SRGAP2: variants seen among roughly 807,000 people sequenced by gnomAD.
SRGAP2 encodes SLIT-ROBO Rho GTPase-activating protein 2.
SRGAP2 carries 15 observed loss-of-function variants against 57.2 expected under a neutral mutation model. The observed-to-expected ratio is 0.26, with a 90% CI of 0.18 to 0.40. SRGAP2 has a LOEUF of 0.40. Ranked by LOEUF, SRGAP2 falls within the 10% of genes least tolerant of loss-of-function variation. The probability of loss-of-function intolerance (pLI) is 1.00; values close to 1 mark genes in which losing one functional copy is unlikely to be tolerated. For synonymous variants in SRGAP2, 249 were observed against 248.0 expected, an observed-to-expected ratio of 1.00 and a Z score of -0.04; for missense variants, 520 against 669.6, an observed-to-expected ratio of 0.78 and a Z score of 2.47.
intron 2 of SRGAP2, among the ~76,000 whole-genome samples, chr1:206,220,460 G>A (rs1335307279): frequency 6.6e-6 from 1 of 152,140 alleles, no homozygotes; most frequent in African/African-American, 2.4e-5. Flanking sequence ...TGCCTAGGCC[G>A]AGAGTGTCAG....
intron 13 of SRGAP2, among the ~76,000 whole-genome samples, chr1:206,428,071 C>T (rs958210805): frequency 6.7e-6 from 1 of 148,612 alleles, no homozygotes; most frequent in Admixed American, 6.7e-5. Flanking sequence ...CACTGCACTC[C>T]AGCCTAGGCT....
chr1:206,414,070 C>T lies in SRGAP2; in HGVS notation c.1357-1819C>T, dbSNP rs571281977. Among the ~76,000 whole-genome samples the T allele has an allele frequency of 1.3e-4, 18 of 139,984 alleles. 1 individual carries two copies. The East Asian group carries it at 2.9e-3, about 22-fold the overall frequency. 91.8% of individuals were successfully genotyped at this position (139,984 alleles called of 152,430 possible). On this transcript the variant is annotated intron_variant, in intron 10 of 22. Coordinates refer to ENST00000573034, the MANE Select transcript of SRGAP2 (RefSeq NM_015326.5). ...TTTTTGAGACAGAGTCTTGCTCTGT[C>T]GCTCAGGCTGGAGTGCAGTGGTGCA...
Position 206,357,175 on chromosome 1 carries a change from A to G in SRGAP2, c.423+14167A>G, listed in dbSNP as rs189040021. ...TTCAGTTTTCCTTTAAGTTGGAAGC[A>G]AACAAACAAAAAACCCTTCAGCTTA... On this transcript the variant is annotated intron_variant, in intron 4 of 22. Transcript: ENST00000573034. 1.7e-4 allele frequency among the ~76,000 whole-genome samples: 25 copies of G among 147,350 alleles called. No individual in the cohort carries two copies. The East Asian group carries it at 4.2e-3, about 25-fold the overall frequency.
chr1:206,295,431 G>A lies in SRGAP2; in HGVS notation c.68-7850G>A, dbSNP rs1315035552. ...GTAGTGATGGGGTTTTACCATGTTG[G>A]CCAGGCTAGTCTCAAACTCCTGACC... On this transcript the variant is annotated intron_variant, in intron 2 of 22. Coordinates refer to ENST00000573034, the MANE Select transcript of SRGAP2 (RefSeq NM_015326.5). Among the ~76,000 whole-genome samples the A allele has an allele frequency of 2.8e-3, 429 of 151,654 alleles. 3 individuals are homozygous for A. The highest frequency in any genetic ancestry group is 9.4e-3 in the African/African-American group (388 of 41,288).
intron 3 of SRGAP2, among the ~76,000 whole-genome samples, chr1:206,334,421 A>C (rs1469695446): frequency 1.3e-5 from 2 of 152,018 alleles, no homozygotes; most frequent in African/African-American, 4.8e-5. Context: ...CATTCCATTT[A>C]GATCTATAGT....
chr1:206,383,625 A>T (rs1318475056), intron 4 of SRGAP2, among the ~76,000 whole-genome samples: 1 of 151,028 alleles, frequency 6.6e-6, no homozygotes, highest in Non-Finnish European at 1.5e-5. Flanking sequence ...TCATCCCATT[A>T]CACATCTTAC....
At chr1:206,337,066 G>T (rs1240635898) in intron 3 of SRGAP2, among the ~76,000 whole-genome samples, 5 of 143,384 alleles carry the variant, frequency 3.5e-5, no homozygotes, top group Admixed American at 3.4e-4. Context: ...TCTCTATGCA[G>T]ATTGGCGGGT....
chr1:206,283,029 C>A (rs1344243594), intron 2 of SRGAP2, among the ~76,000 whole-genome samples: 1 of 146,498 alleles, frequency 6.8e-6, no homozygotes, highest in South Asian at 2.2e-4. Context: ...TGAATTTCTT[C>A]GATTATTTCG....
At chr1:206,333,608 C>T (rs1674548420) in intron 3 of SRGAP2, among the ~76,000 whole-genome samples, 2 of 152,114 alleles carry the variant, frequency 1.3e-5, no homozygotes, top group South Asian at 4.2e-4. Flanking sequence ...TGCACTGTGG[C>T]CTCAAGCTCC....
rs1220728102 is a variant in SRGAP2 at position 206,212,889 on chromosome 1, G to GA, written c.67+6861dup. Among the ~76,000 whole-genome samples the GA allele has an allele frequency of 5.3e-4, 67 of 126,822 alleles. 1 individual carries two copies. In the South Asian group the frequency reaches 5.3e-3, roughly 10 times the overall value. 83.2% of individuals were successfully genotyped at this position (126,822 alleles called of 152,430 possible). On this transcript the variant is annotated intron_variant, in intron 2 of 22. Transcript: ENST00000573034. ...ACATAGTGGGACCCCATCTTTGCAA[G>GA]AAAAAAAAACAAAAAACAAAAAACT...
chr1:206,303,986 T>A lies in SRGAP2; in HGVS notation c.260+513T>A, dbSNP rs1326154019. Among the ~76,000 whole-genome samples the A allele has an allele frequency of 1.6e-3, 246 of 152,040 alleles. 4 individuals are homozygous for A. Among genetic ancestry groups the A allele is most frequent in the Admixed American group, 0.013 (194 of 15,248 alleles). On this transcript the variant is annotated intron_variant, in intron 3 of 22. Coordinates refer to ENST00000573034, the MANE Select transcript of SRGAP2 (RefSeq NM_015326.5). ...AAACCCAGGCAGTCTGGCTGCAGGGTCTATATTTTTAACCATTTCACCAAA... is the reference window on the plus strand; with the variant it reads ...AAACCCAGGCAGTCTGGCTGCAGGGACTATATTTTTAACCATTTCACCAAA...
chr1:206,381,031 G>A (rs1264306589), intron 4 of SRGAP2, among the ~76,000 whole-genome samples: 7 of 152,138 alleles, frequency 4.6e-5, no homozygotes, highest in Non-Finnish European at 8.8e-5. Context: ...AAGTGGGCTC[G>A]CTACACATGT....
intron 2 of SRGAP2, among the ~76,000 whole-genome samples, chr1:206,276,952 G>A (rs1489038553): frequency 6.6e-6 from 1 of 150,844 alleles, no homozygotes; most frequent in Non-Finnish European, 1.5e-5. Flanking sequence ...TCCCCAAATG[G>A]TCATCTATCA....
intron 2 of SRGAP2, among the ~76,000 whole-genome samples, chr1:206,299,870 A>C (rs1671786790): frequency 1.4e-5 from 2 of 140,432 alleles, no homozygotes; most frequent in Non-Finnish European, 1.6e-5. Context: ...CTCCTTCTCC[A>C]CCTCCTGTTC....
chr1:206,227,922 GTCTT>G (rs1667377573), intron 2 of SRGAP2, among the ~76,000 whole-genome samples: 2 of 152,150 alleles, frequency 1.3e-5, no homozygotes, highest in African/African-American at 4.8e-5. Flanking sequence ...TTACCTCCCT[GTCTT>G]TCTCAAATAA....
At chr1:206,431,238 A>G (rs1661254914) in intron 14 of SRGAP2, among the ~76,000 whole-genome samples, 1 of 152,232 alleles carries the variant, frequency 6.6e-6, no homozygotes, top group Non-Finnish European at 1.5e-5. Flanking sequence ...ACAGCATTGT[A>G]TATCAGTATT....
At chr1:206,452,792 A>G (rs1187164188) in intron 19 of SRGAP2, among the ~76,000 whole-genome samples, 1 of 148,502 alleles carries the variant, frequency 6.7e-6, no homozygotes, top group East Asian at 2.2e-4. Context: ...AGGCTGAGGC[A>G]GGAGAATCGC....
At chr1:206,389,996 A>G (rs1375100255) in intron 5 of SRGAP2, among the ~76,000 whole-genome samples, 1 of 150,678 alleles carries the variant, frequency 6.6e-6, no homozygotes, top group Non-Finnish European at 1.5e-5. Context: ...ATAGATATAT[A>G]TATCTAAGTC....
intron 2 of SRGAP2, among the ~76,000 whole-genome samples, chr1:206,283,942 ATTTG>A (rs1340516958): frequency 0.024 from 3,177 of 132,158 alleles, 138 homozygotes; most frequent in African/African-American, 0.088. Context: ...TAAGCGTGTG[ATTTG>A]TTTAAAATTT....
Sources: gnomAD v4.1 joint callset for allele counts (sites outside exome capture counted in the v4.1 genomes callset) on GRCh38, gnomAD v4.1.1 for gene constraint, MANE v1.5 for transcripts, NCBI Gene and HGNC (gene_info 2026-07-23, HGNC 2026-07-21) for gene names.